The following SCGB1C1 variants were observed in gnomAD, a reference collection of about 807,000 sequenced individuals.
SCGB1C1 encodes the protein ligand binding protein RYD5.
In SCGB1C1, 2 loss-of-function variants were observed where a neutral mutation model predicts 8.9. That is an observed-to-expected ratio of 0.23 (90% CI 0.09 to 0.71). SCGB1C1 has a LOEUF of 0.71. SCGB1C1 is among the 30% of genes least tolerant of loss of function. SCGB1C1 has a pLI of 0.78. For missense variants in SCGB1C1, 25 were observed against 112.7 expected (o/e 0.22, Z 3.52); for synonymous variants, 6 against 45.8 (o/e 0.13, Z 3.51).
chr11:192,611 TC>T (rs1259235791), upstream of SCGB1C1, among the ~76,000 whole-genome samples: 9 of 148,792 alleles, frequency 6.0e-5, no homozygotes, highest in African/African-American at 2.2e-4. Flanking sequence ...TGCACCCCCT[TC>T]CCCTACTCGG....
chr11:192,101 A>G (rs1218995600), upstream of SCGB1C1, among the ~76,000 whole-genome samples: 1 of 151,272 alleles, frequency 6.6e-6, no homozygotes, highest in Admixed American at 6.6e-5. Flanking sequence ...GGAGTCGTTC[A>G]ATGTAACAAG....
upstream of SCGB1C1, among the ~76,000 whole-genome samples, chr11:189,890 A>T (rs1854760008): frequency 6.6e-6 from 1 of 152,288 alleles, no homozygotes; most frequent in Non-Finnish European, 1.5e-5. Flanking sequence ...GCCTGCAGGC[A>T]GCTAGGGACG....
intron 2 of SCGB1C1, 144 bp from the exon 3 acceptor site, chr11:194,274 G>C: frequency 3.3e-6 from 2 of 608,532 alleles, no homozygotes; most frequent in Non-Finnish European, 5.9e-6. Flanking sequence ...CATCACATGT[G>C]CACACACACC....
upstream of SCGB1C1, among the ~76,000 whole-genome samples, chr11:192,637 T>C (rs1474520467): frequency 6.7e-6 from 1 of 149,642 alleles, no homozygotes; most frequent in African/African-American, 2.5e-5. Context: ...CCCATCTGAG[T>C]AGTAAGGGGC....
intron 1 of SCGB1C1, among the ~76,000 whole-genome samples, chr11:193,382 G>A (rs1854850415): frequency 6.6e-6 from 1 of 151,198 alleles, no homozygotes; most frequent in Non-Finnish European, 1.5e-5. Context: ...CCCCAGCCCA[G>A]TCCAGCCTGA....
At chr11:191,799 ACCTAAC>A (rs1417570137), upstream of SCGB1C1, among the ~76,000 whole-genome samples, 840 of 151,682 alleles carry the variant, frequency 5.5e-3, no homozygotes, top group Admixed American at 0.04. Flanking sequence ...CCACCCCAAA[ACCTAAC>A]CCTAACCCTA....
upstream of SCGB1C1, among the ~76,000 whole-genome samples, chr11:191,747 T>C (rs555219886): frequency 1.3e-5 from 2 of 152,420 alleles, no homozygotes; most frequent in African/African-American, 4.8e-5. Flanking sequence ...ACAAGAACTC[T>C]TTTCATTGCC....
At chr11:190,481 TAA>T (rs2133719075), upstream of SCGB1C1, among the ~76,000 whole-genome samples, 1 of 152,154 alleles carries the variant, frequency 6.6e-6, no homozygotes, top group East Asian at 1.9e-4. Context: ...AAACACAGTG[TAA>T]AGAGTTTATT....
chr11:189,903 G>T (rs1183348806), upstream of SCGB1C1, among the ~76,000 whole-genome samples: 1 of 152,290 alleles, frequency 6.6e-6, no homozygotes, highest in Non-Finnish European at 1.5e-5. Flanking sequence ...TAGGGACGTT[G>T]CAGGGCCCTC....
At chr11:190,424 T>C (rs1854778651), upstream of SCGB1C1, among the ~76,000 whole-genome samples, 1 of 145,908 alleles carries the variant, frequency 6.9e-6, no homozygotes, top group Non-Finnish European at 1.5e-5. Context: ...GAAGAAACAT[T>C]TTCACCAAGA....
chr11:193,536 G>T (rs1387180223), intron 1 of SCGB1C1, among the ~76,000 whole-genome samples, 176 bp from the exon 2 acceptor site: 198 of 152,302 alleles, frequency 1.3e-3, no homozygotes, highest in Middle Eastern at 3.4e-3. Context: ...GATGTGGAGG[G>T]GTCTTCGGGC....
At chr11:191,830 A>ACCCTAACCCTAACCCCTAAC (rs1854813558), upstream of SCGB1C1, among the ~76,000 whole-genome samples, 3 of 121,806 alleles carry the variant, frequency 2.5e-5, no homozygotes, top group African/African-American at 1.0e-4. Context: ...CTAACCCCTA[A>ACCCTAACCCTAACCCCTAAC]CCCTAACCCT....
At chr11:189,707 T>C (rs1293284285), upstream of SCGB1C1, among the ~76,000 whole-genome samples, 1 of 152,240 alleles carries the variant, frequency 6.6e-6, no homozygotes, top group African/African-American at 2.4e-5. Context: ...GGGCGCCCCC[T>C]GCTTGCAGCC....
chr11:194,080 G>A, intron 2 of SCGB1C1, among the ~76,000 whole-genome samples, 169 bp downstream of exon 2: 1 of 134,574 alleles, frequency 7.4e-6, no homozygotes, highest in Non-Finnish European at 1.6e-5. Flanking sequence ...CCACCGAGCA[G>A]CCCCCAGACT....
At chr11:189,160 TG>T (rs1854726773), upstream of SCGB1C1, among the ~76,000 whole-genome samples, 1 of 144,944 alleles carries the variant, frequency 6.9e-6, no homozygotes, top group Admixed American at 6.9e-5. Context: ...GTGTATTCAG[TG>T]GAAGGCTGAT....
upstream of SCGB1C1, among the ~76,000 whole-genome samples, chr11:188,571 A>C (rs1206635868): frequency 2.0e-5 from 3 of 152,394 alleles, no homozygotes; most frequent in East Asian, 1.9e-4. Flanking sequence ...GTGATTTCCT[A>C]GTAAAAATAC....
At chr11:194,311 G>A in intron 2 of SCGB1C1, 107 bp from the exon 3 acceptor site, 2 of 944,742 alleles carry the variant, frequency 2.1e-6, no homozygotes, top group Non-Finnish European at 3.4e-6. Context: ...GAGATAGGCA[G>A]CAATATGCCA....
chr11:192,668 C>G (rs532935566), upstream of SCGB1C1, among the ~76,000 whole-genome samples: 1 of 150,822 alleles, frequency 6.6e-6, no homozygotes, highest in African/African-American at 2.4e-5. Flanking sequence ...TTGGAGACCC[C>G]CAGATGCAGA....
At chr11:189,529 G>T, upstream of SCGB1C1, among the ~76,000 whole-genome samples, 1 of 24,150 alleles carries the variant, frequency 4.1e-5, no homozygotes, top group African/African-American at 2.2e-4. Context: ...GCGCAGAGAC[G>T]CACGTCGTTA....
Sources: gnomAD v4.1 joint callset for allele counts (sites outside exome capture counted in the v4.1 genomes callset) on GRCh38, gnomAD v4.1.1 for gene constraint, MANE v1.5 for transcripts, NCBI Gene and HGNC (gene_info 2026-07-23, HGNC 2026-07-21) for gene names.